The following RUFY3 variants were observed in gnomAD, a reference collection of about 807,000 sequenced individuals.
RUFY3 encodes the protein RUN and FYVE domain containing 3, also known as protein RUFY3.
Under a neutral mutation model 84.0 loss-of-function variants are expected in RUFY3, and 34 were observed. That is an observed-to-expected ratio of 0.40 (90% CI 0.31 to 0.54). RUFY3 has a LOEUF of 0.54. Among genes scored for constraint, RUFY3 ranks in the 20% least tolerant of loss-of-function variants. The pLI is 0.39. For missense variants in RUFY3, 507 were observed against 736.8 expected, an observed-to-expected ratio of 0.69 and a Z score of 3.61; for synonymous variants, 242 against 252.9, an observed-to-expected ratio of 0.96 and a Z score of 0.41.
At chr4:70,710,771 T>C (rs1396088027) in intron 1 of RUFY3, among the ~76,000 whole-genome samples, 2 of 150,374 alleles carry the variant, frequency 1.3e-5, no homozygotes, top group African/African-American at 4.9e-5. Flanking sequence ...TATAAAGAGA[T>C]ATGTCAATGG....
intron 6 of RUFY3, among the ~76,000 whole-genome samples, chr4:70,774,727 A>G (rs1002889566): frequency 1.3e-5 from 2 of 148,156 alleles, no homozygotes; most frequent in Non-Finnish European, 3.0e-5. Flanking sequence ...TAAATGTTAA[A>G]TAGCACTTAC....
intron 1 of RUFY3, among the ~76,000 whole-genome samples, chr4:70,743,211 A>AG (rs1721601766): frequency 6.6e-6 from 1 of 152,070 alleles, no homozygotes; most frequent in South Asian, 2.1e-4. Context: ...CTGGGATTAT[A>AG]GGTGCATACC....
At chr4:70,736,129 G>GT (rs1211510168) in intron 1 of RUFY3, among the ~76,000 whole-genome samples, 1 of 149,472 alleles carries the variant, frequency 6.7e-6, no homozygotes, top group Non-Finnish European at 1.5e-5. Flanking sequence ...GCTCCACTGG[G>GT]TGGCAGAGTT....
At chr4:70,794,665 T>C in intron 13 of RUFY3, 130 bp from the exon 14 acceptor site, 2 of 673,794 alleles carry the variant, frequency 3.0e-6, no homozygotes, top group Admixed American at 5.7e-5. Flanking sequence ...TTTAAAAACC[T>C]GTCTCTCTGA....
rs949832442 is a variant in RUFY3, at chr4:70,705,042, G to C, written c.106G>C (p.Gly36Arg). ...GGAGGAGCCGCGCCGCGCTCCCGCC[G>C]GGGGCACGGACCGAGAGGGCGAGGC... The change falls in exon 1 of 12, where the codon GGG becomes CGG. Residue 36 changes from glycine (G) to arginine (R), a missense_variant. Coordinates refer to the RUFY3 transcript ENST00000417478. 7.3e-6 allele frequency: 9 copies of C among 1,227,218 alleles called. No individual in the cohort carries two copies. The East Asian group carries it at 2.0e-4, about 27-fold the overall frequency. 76.0% of individuals were successfully genotyped at this position (1,227,218 alleles called of 1,614,324 possible). A position where few individuals can be genotyped will look rare whatever the true frequency, so the allele number is the denominator to read the frequency against.
Position 70,765,423 on chromosome 4 carries a change from G to A in RUFY3, c.572+847G>A, listed in dbSNP as rs139780627. ...AGAGATTGGAAGAGAGAAAGAATCC[G>A]ATTTCTAGGATTTCAGTACTGTTCT... is the stretch of plus-strand genomic sequence containing the variant. On this transcript the variant is annotated intron_variant, in intron 4 of 17. Transcript: ENST00000381006. Among the ~76,000 whole-genome samples the A allele has an allele frequency of 1.1e-4, 17 of 152,120 alleles. No homozygotes were observed. The East Asian group carries it at 2.5e-3, about 23-fold the overall frequency.
chr4:70,801,897 C>T (rs1008718845), intron 15 of RUFY3, among the ~76,000 whole-genome samples: 1 of 152,188 alleles, frequency 6.6e-6, no homozygotes, highest in Non-Finnish European at 1.5e-5. Context: ...AAACTAAAAT[C>T]AAATCATTTA....
chr4:70,708,032 AG>A (rs1388215064), intron 1 of RUFY3, among the ~76,000 whole-genome samples: 1 of 152,206 alleles, frequency 6.6e-6, no homozygotes, highest in African/African-American at 2.4e-5. Context: ...ACTAAGGTGA[AG>A]GATCACTTGA....
At chr4:70,728,305 T>C (rs1167376292) in intron 1 of RUFY3, among the ~76,000 whole-genome samples, 1 of 152,200 alleles carries the variant, frequency 6.6e-6, no homozygotes, top group Non-Finnish European at 1.5e-5. Context: ...ATCGTGTGGC[T>C]GACTAGGATG....
chr4:70,705,198 T>C, exon 1 of RUFY3: 1 of 1,461,632 alleles, frequency 6.8e-7, no homozygotes, highest in Non-Finnish European at 9.0e-7. Flanking sequence ...GCAGCAGCGC[T>C]CCTGGAGGAC....
intron 1 of RUFY3, among the ~76,000 whole-genome samples, chr4:70,733,234 TTTTC>T (rs1287628822): frequency 1.3e-5 from 2 of 152,156 alleles, no homozygotes; most frequent in Admixed American, 6.5e-5. Flanking sequence ...GTTTCTAATG[TTTTC>T]TTTATTTTTA....
chr4:70,711,765 CCT>C (rs1741023412), intron 1 of RUFY3, among the ~76,000 whole-genome samples: 2 of 152,182 alleles, frequency 1.3e-5, no homozygotes, highest in South Asian at 4.2e-4. Context: ...CCTTGGACCT[CCT>C]GAGCTACTGA....
chr4:70,800,116 A>T (rs758620073), intron 14 of RUFY3, 25 bp from the exon 15 acceptor site: 2 of 1,595,994 alleles, frequency 1.3e-6, no homozygotes, highest in Admixed American at 1.8e-5. Context: ...AATAATTAAT[A>T]AATTGGGCTG....
chr4:70,768,630 T>G lies in RUFY3; in HGVS notation c.665T>G (p.Phe222Cys). ...GGTCTGAATGTCATTGATGCCAATT[T>G]CTGTATGAAAGGAGAAGACTTGGAC... ...LVGLNVIDAN[F>C]CMKGEDLDSQ... The change falls in exon 5 of 18, where the codon TTC becomes TGC. Residue 222 changes from phenylalanine (F) to cysteine (C), a missense_variant. Phe to Cys is a radical substitution (Grantham distance 205). Around this residue, in one of 4 missense-constraint regions of RUFY3, gnomAD observed 133 missense variants for 301.1 expected, o/e 0.44. Transcript: ENST00000381006. The G allele has an allele frequency of 6.2e-7, 1 of 1,613,964 alleles. No homozygotes were observed. Among genetic ancestry groups the G allele is most frequent in the African/African-American group, 1.3e-5 (1 of 75,000 alleles).
intron 1 of RUFY3, among the ~76,000 whole-genome samples, chr4:70,706,750 G>T (rs1200647203): frequency 6.6e-6 from 1 of 152,192 alleles, no homozygotes; most frequent in East Asian, 1.9e-4. Flanking sequence ...TTGTGTGTTG[G>T]AGTGGTCTGC....
chr4:70,756,813 T>G (rs977687611), intron 1 of RUFY3, among the ~76,000 whole-genome samples: 1 of 152,156 alleles, frequency 6.6e-6, no homozygotes. Context: ...GTTGCAGTAC[T>G]TCTCAGTCTT....
intron 5 of RUFY3, among the ~76,000 whole-genome samples, chr4:70,772,596 T>C (rs952210091): frequency 6.6e-5 from 10 of 152,228 alleles, no homozygotes; most frequent in African/African-American, 2.2e-4. Flanking sequence ...ACTTCTGTTA[T>C]GTTTTATTCT....
At chr4:70,776,235 T>C (rs898622575) in intron 7 of RUFY3, among the ~76,000 whole-genome samples, 5 of 152,142 alleles carry the variant, frequency 3.3e-5, no homozygotes, top group Non-Finnish European at 5.9e-5. Flanking sequence ...TTAGGCAAGG[T>C]AGGAGATTAG....
chr4:70,766,348 G>T (rs543738367), intron 4 of RUFY3, among the ~76,000 whole-genome samples: 4 of 152,076 alleles, frequency 2.6e-5, no homozygotes, highest in South Asian at 4.2e-4. Context: ...AGGTTCAATC[G>T]ATTCTCCTGC....
Sources: allele counts gnomAD v4.1 joint callset (sites outside exome capture counted in the v4.1 genomes callset), GRCh38; gene constraint gnomAD v4.1.1; regional missense constraint gnomAD v4.1.1; transcripts MANE v1.5; gene names NCBI Gene and HGNC (gene_info 2026-07-23, HGNC 2026-07-21).